PTPN4: variants seen among roughly 807,000 people sequenced by gnomAD.
PTPN4 encodes protein tyrosine phosphatase non-receptor type 4.
Under a neutral mutation model 135.5 loss-of-function variants are expected in PTPN4, and 49 were observed. The observed-to-expected ratio is 0.36, with a 90% CI of 0.29 to 0.46. The LOEUF is 0.46. PTPN4 is among the 20% of genes least tolerant of loss of function. The pLI, the probability that PTPN4 is intolerant of heterozygous loss-of-function variation, is 1.00. For synonymous variants in PTPN4, 333 were observed against 369.9 expected (o/e 0.90, Z 1.14); for missense variants, 860 against 1,101.0 (o/e 0.78, Z 3.10).
intron 2 of PTPN4, among the ~76,000 whole-genome samples, chr2:119,812,179 C>T (rs1052590770): frequency 2.0e-5 from 3 of 152,070 alleles, no homozygotes; most frequent in Non-Finnish European, 2.9e-5. Flanking sequence ...AATAGATCTC[C>T]AGTTATGTAC....
chr2:119,901,704 A>G (rs188677421), intron 10 of PTPN4, among the ~76,000 whole-genome samples: 1 of 152,372 alleles, frequency 6.6e-6, no homozygotes, highest in East Asian at 1.9e-4. Flanking sequence ...AACTGTAATT[A>G]ATATACTAAG....
At chr2:119,971,552 T>A (rs1292051269) in intron 26 of PTPN4, among the ~76,000 whole-genome samples, 5 of 152,246 alleles carry the variant, frequency 3.3e-5, no homozygotes, top group African/African-American at 1.2e-4. Flanking sequence ...TGTAAGTATT[T>A]TTTTTATGTT....
intron 1 of PTPN4, among the ~76,000 whole-genome samples, chr2:119,787,393 T>A (rs1021593319): frequency 2.2e-4 from 34 of 152,230 alleles, no homozygotes; most frequent in African/African-American, 8.2e-4. Flanking sequence ...TTTGACACTT[T>A]AATGTTTAAG....
rs181130867 is a variant in PTPN4, at chr2:119,897,047, A to G, written c.676-3671A>G. ...GTGATTCTCCCACCTCAGCCTCTTA[A>G]GTAGCTGGACTAAAGGTGCACACCA... On this transcript the variant is annotated intron_variant, in intron 9 of 26. Coordinates refer to ENST00000263708, the MANE Select transcript of PTPN4 (RefSeq NM_002830.4). 4.6e-5 allele frequency among the ~76,000 whole-genome samples: 7 copies of G among 152,242 alleles called. No individual in the cohort carries two copies. The East Asian group carries it at 1.4e-3, about 29-fold the overall frequency.
At chr2:119,931,731 C>T (rs1350288877) in intron 13 of PTPN4, among the ~76,000 whole-genome samples, 4 of 151,966 alleles carry the variant, frequency 2.6e-5, no homozygotes, top group South Asian at 2.1e-4. Context: ...TGAGCCACCT[C>T]GCGCATCCAA....
intron 19 of PTPN4, among the ~76,000 whole-genome samples, chr2:119,953,433 C>A (rs1406866610): frequency 6.6e-6 from 1 of 152,064 alleles, no homozygotes; most frequent in African/African-American, 2.4e-5. Flanking sequence ...ACTTTGTGTT[C>A]TTTTCCATTA....
chr2:119,884,099 C>T (rs1284377325), intron 8 of PTPN4, among the ~76,000 whole-genome samples: 4 of 152,196 alleles, frequency 2.6e-5, no homozygotes, highest in East Asian at 1.9e-4. Flanking sequence ...GGGGTTTCAC[C>T]GTGTTAGCCA....
At chr2:119,766,443 T>TGGGCGCGCGCGCGCGCGCTCGC (rs1553430820) in intron 1 of PTPN4, among the ~76,000 whole-genome samples, 1 of 109,768 alleles carries the variant, frequency 9.1e-6, no homozygotes, top group African/African-American at 3.2e-5. Flanking sequence ...TATGCGCATG[T>TGGGCGCGCGCGCGCGCGCTCGC]GCGCGCGTGT....
At chr2:119,869,280 T>C (rs1045451139) in intron 3 of PTPN4, among the ~76,000 whole-genome samples, 1 of 152,226 alleles carries the variant, frequency 6.6e-6, no homozygotes, top group African/African-American at 2.4e-5. Context: ...TTTAGGGTGA[T>C]AGAAATATCT....
At chr2:119,779,590 C>T (rs1690900087) in intron 1 of PTPN4, among the ~76,000 whole-genome samples, 1 of 145,278 alleles carries the variant, frequency 6.9e-6, no homozygotes, top group Non-Finnish European at 1.5e-5. Flanking sequence ...GCACTCCAGC[C>T]TGGGCAACAG....
intron 1 of PTPN4, among the ~76,000 whole-genome samples, chr2:119,767,225 C>G (rs1031539356): frequency 2.6e-5 from 4 of 152,154 alleles, no homozygotes; most frequent in Non-Finnish European, 5.9e-5. Flanking sequence ...TCTACTGTAT[C>G]TAATTGGATC....
intron 1 of PTPN4, among the ~76,000 whole-genome samples, chr2:119,792,907 C>T (rs1691175947): frequency 1.3e-5 from 2 of 152,080 alleles, no homozygotes; most frequent in Non-Finnish European, 2.9e-5. Flanking sequence ...GGGTGTGGGT[C>T]ACAGAGATCA....
At position 119,907,216 on chromosome 2, in the gene PTPN4, C is replaced by A. The variant is rs1475521952; in HGVS notation, c.764+6410C>A. On this transcript the variant is annotated intron_variant, in intron 10 of 26. Transcript: ENST00000263708. ...AGAAAAATTAGTACTGTGAAAATGA[C>A]CACACTACCCAAAGCATTCTACAGA... is the stretch of plus-strand genomic sequence containing the variant. Among the ~76,000 whole-genome samples the A allele has an allele frequency of 3.3e-5, 5 of 152,128 alleles. 1 individual carries two copies. The highest frequency in any genetic ancestry group is 7.4e-5 in the Non-Finnish European group (5 of 68,016).
At chr2:119,793,740 C>G (rs1021803296) in intron 1 of PTPN4, among the ~76,000 whole-genome samples, 41 of 152,004 alleles carry the variant, frequency 2.7e-4, no homozygotes, top group African/African-American at 9.6e-4. Context: ...TCAGCAGGTC[C>G]CTCTGTTCGG....
intron 2 of PTPN4, among the ~76,000 whole-genome samples, chr2:119,818,491 G>T (rs1364979287): frequency 1.3e-5 from 2 of 152,154 alleles, no homozygotes; most frequent in Admixed American, 6.5e-5. Context: ...GCCCAGGCTG[G>T]TCTTGAACTC....
intron 22 of PTPN4, among the ~76,000 whole-genome samples, chr2:119,959,282 CTT>C (rs147874235): frequency 6.6e-6 from 1 of 151,480 alleles, no homozygotes; most frequent in Non-Finnish European, 1.5e-5. Context: ...TATTTTAACA[CTT>C]AGAAAAATAA....
At chr2:119,971,539 A>G (rs1679535101) in intron 26 of PTPN4, among the ~76,000 whole-genome samples, 1 of 152,168 alleles carries the variant, frequency 6.6e-6, no homozygotes, top group Admixed American at 6.5e-5. Context: ...TTTATTGGCG[A>G]GTTGTAAGTA....
chr2:119,984,762 G>A lies in PTPN4; in HGVS notation c.*7692G>A, dbSNP rs1170976917. ...TAGTCTTAAGAGCAATTTATATTAT[G>A]TGAAATGCTGTTACACATATTTTGT... On this transcript the variant is annotated 3_prime_UTR_variant, in exon 27 of 27. Coordinates refer to ENST00000263708, the MANE Select transcript of PTPN4 (RefSeq NM_002830.4). Among the ~76,000 whole-genome samples the A allele has an allele frequency of 6.6e-6, 1 of 152,172 alleles. No homozygotes were observed. The highest frequency in any genetic ancestry group is 2.4e-5 in the African/African-American group (1 of 41,432).
chr2:119,898,212 T>C (rs1242960304), intron 9 of PTPN4, among the ~76,000 whole-genome samples: 6 of 152,190 alleles, frequency 3.9e-5, no homozygotes, highest in Non-Finnish European at 7.3e-5. Flanking sequence ...CAGATAAATA[T>C]GAGAGAAACA....
Sources: allele counts gnomAD v4.1 joint callset (sites outside exome capture counted in the v4.1 genomes callset), GRCh38; gene constraint gnomAD v4.1.1; transcripts MANE v1.5; gene names NCBI Gene and HGNC (gene_info 2026-07-23, HGNC 2026-07-21).